Variants in MASTL observed in about 807,000 individuals in gnomAD.
MASTL encodes microtubule associated serine/threonine kinase like.
Under a neutral mutation model 82.5 loss-of-function variants are expected in MASTL, and 54 were observed. The ratio of observed to expected loss-of-function variants is 0.65; its 90% CI spans 0.53 to 0.82. The LOEUF (loss-of-function observed/expected upper bound fraction) is 0.82, where lower values mean the gene tolerates loss of function less well. Among genes scored for constraint, MASTL ranks in the 40% least tolerant of loss-of-function variants. The pLI, the probability that MASTL is intolerant of heterozygous loss-of-function variation, is 0.00. For synonymous variants in MASTL, 323 were observed against 368.9 expected (o/e 0.88, Z 1.43); for missense variants, 950 against 1,047.8 (o/e 0.91, Z 1.29).
chr10:27,164,114 A>C (rs770479300), intron 4 of MASTL, among the ~76,000 whole-genome samples: 1 of 152,076 alleles, frequency 6.6e-6, no homozygotes, highest in Non-Finnish European at 1.5e-5. Flanking sequence ...CTAATTTTAA[A>C]AAGTCCTATA....
At chr10:27,162,063 A>T (rs147935462) in intron 4 of MASTL, among the ~76,000 whole-genome samples, 6 of 152,346 alleles carry the variant, frequency 3.9e-5, no homozygotes, top group African/African-American at 1.4e-4. Context: ...AAAAGAAAGG[A>T]ATACCGATGG....
chr10:27,156,013 A>ATTTTTTTTTTTTTTTTTT (rs3834397), intron 1 of MASTL, among the ~76,000 whole-genome samples: 1 of 151,066 alleles, frequency 6.6e-6, no homozygotes, highest in Non-Finnish European at 1.5e-5. Context: ...TTTCTTTTTT[A>ATTTTTTTTTTTTTTTTTT]TTTTTTTTTG....
chr10:27,185,825 C>T (rs1352865864), intron 11 of MASTL, among the ~76,000 whole-genome samples: 1 of 151,168 alleles, frequency 6.6e-6, no homozygotes, highest in Non-Finnish European at 1.5e-5. Context: ...CATGGTGACT[C>T]ACACCTGTAA....
upstream of MASTL, chr10:27,154,572 G>GTTTT: frequency 1.9e-5 from 6 of 319,418 alleles, no homozygotes; most frequent in Non-Finnish European, 3.3e-5. Context: ...CTTTTTCTTC[G>GTTTT]TTTTTTTTTT....
At position 27,184,047 on chromosome 10, in the gene MASTL, G is replaced by A. The variant is rs183025111; in HGVS notation, c.2483-2332G>A. On this transcript the variant is annotated intron_variant, in intron 11 of 11. Transcript: ENST00000375940. ...ACTCACTGATTTAACCAATCCTATAGAGTGCCTTCTAGGAGCTAGGTGATA... is the reference window on the plus strand; with the variant it reads ...ACTCACTGATTTAACCAATCCTATAAAGTGCCTTCTAGGAGCTAGGTGATA... Among the ~76,000 whole-genome samples the A allele has an allele frequency of 2.8e-3, 426 of 152,184 alleles. 2 individuals are homozygous for A. The highest frequency in any genetic ancestry group is 4.7e-3 in the Non-Finnish European group (318 of 67,986).
At chr10:27,171,158 A>T in intron 8 of MASTL, 75 bp downstream of exon 8, 1 of 1,259,608 alleles carries the variant, frequency 7.9e-7, no homozygotes. Context: ...CCTCTAAGCT[A>T]GACTATGCGG....
intron 8 of MASTL, among the ~76,000 whole-genome samples, chr10:27,171,361 A>G (rs923919980): frequency 6.6e-6 from 1 of 151,876 alleles, no homozygotes; most frequent in Non-Finnish European, 1.5e-5. Flanking sequence ...CAGTACTATG[A>G]GTTACAAAAT....
intron 7 of MASTL, among the ~76,000 whole-genome samples, chr10:27,168,333 C>T (rs2136047233): frequency 6.6e-6 from 1 of 152,236 alleles, no homozygotes; most frequent in East Asian, 1.9e-4. Flanking sequence ...ATATTGTTTA[C>T]TATTTCAAAT....
chr10:27,174,562 A>G (rs1003358996), intron 9 of MASTL, among the ~76,000 whole-genome samples: 13 of 152,074 alleles, frequency 8.5e-5, no homozygotes, highest in African/African-American at 3.1e-4. Context: ...TCAGGTGTCC[A>G]CAGGGCTATA....
chr10:27,165,254 T>A (rs2057704416), intron 5 of MASTL, 84 bp downstream of exon 5: 2 of 1,390,062 alleles, frequency 1.4e-6, no homozygotes, highest in Non-Finnish European at 2.0e-6. Flanking sequence ...AAAAAAAAGA[T>A]CAAAATAGAT....
At chr10:27,164,750 G>T (rs2057686242) in intron 4 of MASTL, among the ~76,000 whole-genome samples, 1 of 151,712 alleles carries the variant, frequency 6.6e-6, no homozygotes, top group Non-Finnish European at 1.5e-5. Context: ...TGATTCTCCT[G>T]CCTCAGCCTC....
intron 11 of MASTL, among the ~76,000 whole-genome samples, chr10:27,184,416 C>T (rs1017334467): frequency 1.3e-5 from 2 of 152,006 alleles, no homozygotes; most frequent in Non-Finnish European, 2.9e-5. Context: ...AACACACACA[C>T]GTTTCAACTT....
intron 11 of MASTL, among the ~76,000 whole-genome samples, chr10:27,183,379 G>A (rs2058440121): frequency 6.6e-6 from 1 of 152,212 alleles, no homozygotes; most frequent in East Asian, 1.9e-4. Flanking sequence ...CGCCTCCCAG[G>A]TTCAAGTGAT....
At chr10:27,178,109 T>C (rs2058158979) in intron 9 of MASTL, among the ~76,000 whole-genome samples, 1 of 152,124 alleles carries the variant, frequency 6.6e-6, no homozygotes, top group Non-Finnish European at 1.5e-5. Flanking sequence ...ATATTAAAAA[T>C]GGCTGGGCAC....
At chr10:27,169,567 C>CAA (rs766925239) in intron 7 of MASTL, among the ~76,000 whole-genome samples, 15 of 101,712 alleles carry the variant, frequency 1.5e-4, no homozygotes, top group African/African-American at 2.1e-4. Flanking sequence ...GACCCCATTT[C>CAA]AAAAAAAAAA....
chr10:27,171,131 A>T (rs529190578), intron 8 of MASTL, 48 bp downstream of exon 8: 2 of 1,491,706 alleles, frequency 1.3e-6, no homozygotes, highest in Admixed American at 1.7e-5. Flanking sequence ...TAGAAAAACT[A>T]TGAAGACAGA....
chr10:27,171,237 G>T (rs984341612), intron 8 of MASTL, among the ~76,000 whole-genome samples, 154 bp downstream of exon 8: 8 of 152,052 alleles, frequency 5.3e-5, no homozygotes, highest in African/African-American at 1.9e-4. Context: ...ACCCAGAAAA[G>T]TAAAGCTGGT....
intron 4 of MASTL, among the ~76,000 whole-genome samples, chr10:27,162,648 G>A (rs1016712711): frequency 2.0e-5 from 3 of 151,798 alleles, no homozygotes; most frequent in African/African-American, 7.3e-5. Flanking sequence ...TAGCCTGGGG[G>A]ACAGAGCGAT....
intron 9 of MASTL, among the ~76,000 whole-genome samples, chr10:27,179,551 C>T (rs555701598): frequency 2.6e-5 from 4 of 152,062 alleles, no homozygotes; most frequent in Admixed American, 1.3e-4. Context: ...AGTGAGAGTC[C>T]GTCTCAAAAA....
Sources: gnomAD v4.1 joint callset for allele counts (sites outside exome capture counted in the v4.1 genomes callset) on GRCh38, gnomAD v4.1.1 for gene constraint, MANE v1.5 for transcripts, NCBI Gene and HGNC (gene_info 2026-07-23, HGNC 2026-07-21) for gene names.